Variants in RHEB observed in about 807,000 individuals in gnomAD.
RHEB encodes the protein Ras homolog, mTORC1 binding.
RHEB carries 2 observed loss-of-function variants against 28.8 expected under a neutral mutation model. That is an observed-to-expected ratio of 0.07 (90% CI 0.03 to 0.22). The LOEUF is 0.22. Ranked by LOEUF, RHEB falls within the 10% of genes least tolerant of loss-of-function variation. The pLI is 1.00. For synonymous variants in RHEB, 69 were observed against 77.3 expected (o/e 0.89, Z 0.56); for missense variants, 76 against 219.9 (o/e 0.35, Z 4.14).
chr7:151,496,764 T>C (rs915581175), intron 1 of RHEB, among the ~76,000 whole-genome samples: 1 of 152,160 alleles, frequency 6.6e-6, no homozygotes, highest in East Asian at 1.9e-4. Flanking sequence ...CAAACCTCTA[T>C]GACTTTTGTT....
intron 1 of RHEB, among the ~76,000 whole-genome samples, chr7:151,493,488 C>G (rs369699033): frequency 2.0e-4 from 31 of 152,144 alleles, no homozygotes; most frequent in African/African-American, 6.5e-4. Flanking sequence ...GTGAACACTC[C>G]ACTGAAGCCA....
intron 1 of RHEB, among the ~76,000 whole-genome samples, chr7:151,510,203 C>G (rs1438735315): frequency 6.6e-6 from 1 of 152,168 alleles, no homozygotes; most frequent in African/African-American, 2.4e-5. Flanking sequence ...ATTCTCCCAC[C>G]ACCCCCATCC....
chr7:151,477,655 C>T (rs1400265372), intron 3 of RHEB, among the ~76,000 whole-genome samples: 1 of 152,084 alleles, frequency 6.6e-6, no homozygotes, highest in East Asian at 1.9e-4. Context: ...GTCTGATGAC[C>T]TTCATAATTT....
chr7:151,497,595 G>A (rs1024850175), intron 1 of RHEB, among the ~76,000 whole-genome samples: 2 of 152,202 alleles, frequency 1.3e-5, no homozygotes, highest in South Asian at 2.1e-4. Context: ...TCTGAGCTAT[G>A]AGGACGGCAC....
intron 1 of RHEB, among the ~76,000 whole-genome samples, chr7:151,511,417 G>A (rs1259002281): frequency 6.6e-6 from 1 of 152,178 alleles, no homozygotes. Context: ...CGCAAACCAA[G>A]CAAGCATGAC....
At chr7:151,486,144 G>C (rs1802470219) in intron 2 of RHEB, among the ~76,000 whole-genome samples, 1 of 152,202 alleles carries the variant, frequency 6.6e-6, no homozygotes, top group South Asian at 2.1e-4. Flanking sequence ...TCACTACATA[G>C]CTGTGTGAAA....
chr7:151,503,312 C>G (rs1802806884), intron 1 of RHEB: 3 of 817,416 alleles, frequency 3.7e-6, no homozygotes, highest in Non-Finnish European at 4.4e-6. Context: ...AAATTTGGAG[C>G]TATGTTGGAA....
intron 1 of RHEB, among the ~76,000 whole-genome samples, chr7:151,504,345 G>A (rs1427002557): frequency 6.6e-6 from 1 of 152,164 alleles, no homozygotes. Context: ...AAGGGATACA[G>A]GCATCCCTTG....
At chr7:151,473,211 G>T (rs149131332) in intron 4 of RHEB, among the ~76,000 whole-genome samples, 146 of 152,302 alleles carry the variant, frequency 9.6e-4, no homozygotes, top group African/African-American at 3.5e-3. Context: ...AAATTCCCTG[G>T]CTCTCTTGTG....
At chr7:151,473,003 A>G (rs1429502482) in intron 4 of RHEB, among the ~76,000 whole-genome samples, 1 of 152,200 alleles carries the variant, frequency 6.6e-6, no homozygotes, top group Non-Finnish European at 1.5e-5. Flanking sequence ...GTCACGTGAG[A>G]AACAGCTGAA....
intron 1 of RHEB, chr7:151,502,368 T>C (rs1167207217): frequency 1.2e-6 from 1 of 819,016 alleles, no homozygotes; most frequent in Non-Finnish European, 2.2e-6. Context: ...GCATCTAACA[T>C]TAAGGCAGGA....
chr7:151,476,859 C>G (rs1232244801), intron 4 of RHEB, among the ~76,000 whole-genome samples: 1 of 152,128 alleles, frequency 6.6e-6, no homozygotes, highest in Non-Finnish European at 1.5e-5. Flanking sequence ...GCTAGAGGAA[C>G]CGATATCCAT....
intron 3 of RHEB, among the ~76,000 whole-genome samples, chr7:151,481,984 T>G (rs1802387581): frequency 6.6e-6 from 1 of 152,236 alleles, no homozygotes; most frequent in African/African-American, 2.4e-5. Flanking sequence ...GAACACATAT[T>G]CCAACTTGAT....
intron 1 of RHEB, among the ~76,000 whole-genome samples, chr7:151,517,112 C>A (rs1392767112): frequency 6.6e-6 from 1 of 152,140 alleles, no homozygotes; most frequent in Non-Finnish European, 1.5e-5. Flanking sequence ...GCCTATAATC[C>A]CAGCACTTTG....
rs1802179144 is a variant in RHEB at position 151,472,461 on chromosome 7, C to T, written c.276-856G>A. Among the ~76,000 whole-genome samples the T allele has an allele frequency of 6.6e-6, 1 of 152,150 alleles. No homozygotes were observed. Among genetic ancestry groups the T allele is most frequent in the African/African-American group, 2.4e-5 (1 of 41,416 alleles). ...TTACTCGGCCCCAGTGACTCTCAAG[C>T]CGCAAACTTCTGACCTCGTGATCCG... is the stretch of plus-strand genomic sequence containing the variant. On this transcript the variant is annotated intron_variant, in intron 4 of 7. Coordinates refer to ENST00000262187, the MANE Select transcript of RHEB (RefSeq NM_005614.4). This position sits in a 1 kb window ranked among gnomAD's most constrained non-coding sequence, Gnocchi z 5.2.
chr7:151,499,289 C>G (rs1802729383), intron 1 of RHEB, among the ~76,000 whole-genome samples: 1 of 152,092 alleles, frequency 6.6e-6, no homozygotes, highest in South Asian at 2.1e-4. Flanking sequence ...ACCTGGGAGG[C>G]AGAGGTTGCA....
chr7:151,506,390 T>C (rs749481988), intron 1 of RHEB, among the ~76,000 whole-genome samples: 1 of 152,116 alleles, frequency 6.6e-6, no homozygotes, highest in Non-Finnish European at 1.5e-5. Flanking sequence ...ATGGTGGTTA[T>C]TAGCTATGTG....
intron 1 of RHEB, among the ~76,000 whole-genome samples, chr7:151,493,273 GT>G (rs1486000671): frequency 6.6e-6 from 1 of 151,978 alleles, no homozygotes; most frequent in East Asian, 1.9e-4. Context: ...TGCTCCTGGA[GT>G]TCCTGCCTGC....
intron 1 of RHEB, among the ~76,000 whole-genome samples, chr7:151,498,476 A>T (rs1331327922): frequency 6.6e-6 from 1 of 152,032 alleles, no homozygotes; most frequent in Non-Finnish European, 1.5e-5. Context: ...TACAAAAAAA[A>T]ATTAGCAGGG....
Sources: gnomAD v4.1 joint callset for allele counts (sites outside exome capture counted in the v4.1 genomes callset) on GRCh38, gnomAD v4.1.1 for gene constraint, Gnocchi (gnomAD v3.1) non-coding constraint, MANE v1.5 for transcripts, NCBI Gene and HGNC (gene_info 2026-07-23, HGNC 2026-07-21) for gene names.